NEK10: variants seen among roughly 807,000 people sequenced by gnomAD.
The protein encoded by NEK10 is NIMA related kinase 10.
NEK10 carries 122 observed loss-of-function variants against 159.8 expected under a neutral mutation model. That is an observed-to-expected ratio of 0.76 (90% CI 0.66 to 0.89). NEK10 has a LOEUF of 0.89. Ranked by LOEUF, NEK10 falls within the 40% of genes least tolerant of loss-of-function variation. The probability of loss-of-function intolerance (pLI) is 0.00; values close to 1 mark genes in which losing one functional copy is unlikely to be tolerated. For missense variants in NEK10, 1,342 were observed against 1,323.1 expected (o/e 1.01, Z -0.22); for synonymous variants, 466 against 457.1 (o/e 1.02, Z -0.25).
chr3:27,250,394 G>A (rs946836921), intron 23 of NEK10, among the ~76,000 whole-genome samples: 7 of 152,032 alleles, frequency 4.6e-5, no homozygotes, highest in Admixed American at 2.0e-4. Context: ...CACTGTGTTA[G>A]TCAGGATGGT....
intron 28 of NEK10, among the ~76,000 whole-genome samples, chr3:27,172,109 T>C (rs554307894): frequency 9.2e-5 from 14 of 151,502 alleles, no homozygotes; most frequent in African/African-American, 1.9e-4. Flanking sequence ...GAGGCCGAGG[T>C]AGATGAATCA....
intron 35 of NEK10, among the ~76,000 whole-genome samples, chr3:27,115,263 T>C (rs1244760835): frequency 6.6e-6 from 1 of 152,188 alleles, no homozygotes; most frequent in Non-Finnish European, 1.5e-5. Flanking sequence ...TTTGCTTGAT[T>C]ATAAAACCTT....
intron 12 of NEK10, among the ~76,000 whole-genome samples, chr3:27,303,822 T>C (rs1255012705): frequency 2.0e-5 from 3 of 152,344 alleles, no homozygotes; most frequent in African/African-American, 7.2e-5. Context: ...TCTAGTTATA[T>C]GAAAATTGAT....
chr3:27,242,822 G>A (rs1274828460), intron 23 of NEK10, among the ~76,000 whole-genome samples: 2 of 152,176 alleles, frequency 1.3e-5, no homozygotes, highest in Admixed American at 6.5e-5. Context: ...GTACTAAAAT[G>A]AAATTGACCA....
intron 30 of NEK10, among the ~76,000 whole-genome samples, chr3:27,153,189 G>A (rs377754111): frequency 3.9e-5 from 6 of 151,988 alleles, no homozygotes; most frequent in East Asian, 1.9e-4. Context: ...GCATGGTAGC[G>A]GGCGCCTATA....
intron 32 of NEK10, among the ~76,000 whole-genome samples, chr3:27,127,393 T>G (rs1255050934): frequency 3.3e-5 from 5 of 152,164 alleles, no homozygotes. Flanking sequence ...ATTTCATCAT[T>G]GTGCAAACAT....
chr3:27,251,875 AAGC>A (rs140300606), intron 23 of NEK10, among the ~76,000 whole-genome samples: 6,259 of 152,270 alleles, frequency 0.041, 210 homozygotes, highest in African/African-American at 0.096. Context: ...AAGATAAAAT[AAGC>A]AAAGAGAAAA....
chr3:27,301,618 C>T (rs959079017), intron 13 of NEK10, 78 bp downstream of exon 13: 3 of 1,195,316 alleles, frequency 2.5e-6, no homozygotes, highest in Non-Finnish European at 3.6e-6. Flanking sequence ...CTACTTAACA[C>T]TACTACACTA....
rs147187962 is a variant in NEK10 at position 27,201,496 on chromosome 3, G to A, written c.2291+14C>T. The A allele has an allele frequency of 4.3e-4, 688 of 1,610,856 alleles. 4 individuals are homozygous for A. The African/African-American group carries it at 5.6e-3, about 13-fold the overall frequency. On this transcript the variant is annotated intron_variant, in intron 25 of 35. Transcript: ENST00000691995. ...TGATTGTCCCTACATGTCTGAAGCC[G>A]CAAGACTAATTACCTGCTGATGGTG...
intron 32 of NEK10, among the ~76,000 whole-genome samples, chr3:27,124,435 T>C (rs1477687151): frequency 6.6e-6 from 1 of 152,154 alleles, no homozygotes; most frequent in Admixed American, 6.6e-5. Flanking sequence ...ACTTACAACA[T>C]TCTAGACACA....
chr3:27,233,017 G>A (rs1007485903), intron 23 of NEK10, among the ~76,000 whole-genome samples: 4 of 151,690 alleles, frequency 2.6e-5, no homozygotes, highest in South Asian at 2.1e-4. Context: ...CAAATGCAAC[G>A]AAAACAAAAA....
chr3:27,228,560 A>T (rs1952878224), intron 23 of NEK10, among the ~76,000 whole-genome samples: 1 of 152,120 alleles, frequency 6.6e-6, no homozygotes, highest in South Asian at 2.1e-4. Context: ...CTGCATAAAG[A>T]GGTTTCATGC....
chr3:27,331,627 A>C (rs1004410317), intron 5 of NEK10, among the ~76,000 whole-genome samples: 1 of 152,212 alleles, frequency 6.6e-6, no homozygotes, highest in African/African-American at 2.4e-5. Flanking sequence ...TGAAAGGAAA[A>C]GAGTCACTTG....
At chr3:27,191,943 T>C (rs1949153451) in intron 26 of NEK10, 86 bp downstream of exon 26, 2 of 1,145,772 alleles carry the variant, frequency 1.7e-6, no homozygotes, top group East Asian at 2.4e-5. Context: ...TTCTAACTTT[T>C]GATGAATGTT....
chr3:27,125,028 C>A (rs951711385), intron 32 of NEK10, among the ~76,000 whole-genome samples: 3 of 151,996 alleles, frequency 2.0e-5, no homozygotes, highest in Non-Finnish European at 4.4e-5. Flanking sequence ...ATAATAGGGC[C>A]CTCCTGCTCT....
rs763904976 is a variant in NEK10, at chr3:27,119,820, C to T, written c.3130G>A (p.Asp1044Asn). The change falls in exon 33 of 36, where the codon GAT becomes AAT. Residue 1044 changes from aspartate to asparagine, a missense_variant. Physicochemically the swap from Asp to Asn is conservative, Grantham distance 23. Transcript: ENST00000691995. ...EPIEPNFFTADYHLLHRSSGG... is the reference protein window; with the variant it reads ...EPIEPNFFTANYHLLHRSSGG... ...GATGAACGATGTAATAAATGGTAAT[C>T]TGCTGTGAAAAAGTTGGGCTCAATC... 2.5e-6 allele frequency: 4 copies of T among 1,613,840 alleles called. No individual in the cohort carries two copies. The East Asian group carries it at 6.7e-5, about 27-fold the overall frequency.
intron 23 of NEK10, among the ~76,000 whole-genome samples, chr3:27,249,263 T>A (rs1407905718): frequency 6.6e-6 from 1 of 152,228 alleles, no homozygotes; most frequent in Non-Finnish European, 1.5e-5. Context: ...TGCAAATCAA[T>A]TAAACCTCTT....
At chr3:27,158,017 G>A (rs769905913) in intron 30 of NEK10, among the ~76,000 whole-genome samples, 1 of 152,090 alleles carries the variant, frequency 6.6e-6, no homozygotes, top group East Asian at 1.9e-4. Flanking sequence ...AATAGACTTA[G>A]TATAGTGTAA....
intron 29 of NEK10, among the ~76,000 whole-genome samples, chr3:27,170,374 T>C (rs2148859413): frequency 6.6e-6 from 1 of 152,306 alleles, no homozygotes; most frequent in East Asian, 1.9e-4. Context: ...CCTAGCTGAA[T>C]ATACTCCACA....
Sources: gnomAD v4.1 joint callset for allele counts (sites outside exome capture counted in the v4.1 genomes callset) on GRCh38, gnomAD v4.1.1 for gene constraint, MANE v1.5 for transcripts, NCBI Gene and HGNC (gene_info 2026-07-23, HGNC 2026-07-21) for gene names.